TMPRSS13: variants seen among roughly 807,000 people sequenced by gnomAD.
The protein encoded by TMPRSS13 is transmembrane serine protease 13.
Under a neutral mutation model 68.4 loss-of-function variants are expected in TMPRSS13, and 50 were observed. That is an observed-to-expected ratio of 0.73 (90% CI 0.58 to 0.93). The LOEUF is 0.93. Ranked by LOEUF, TMPRSS13 falls within the 40% of genes least tolerant of loss-of-function variation. TMPRSS13 has a pLI of 0.00. For missense variants in TMPRSS13, 615 were observed against 729.2 expected (o/e 0.84, Z 1.80); for synonymous variants, 267 against 285.8 (o/e 0.93, Z 0.66).
chr11:117,909,247 T>C (rs566937133), intron 8 of TMPRSS13, among the ~76,000 whole-genome samples: 6 of 152,300 alleles, frequency 3.9e-5, no homozygotes, highest in Admixed American at 3.3e-4. Flanking sequence ...CTCAGTATTA[T>C]TACCCTCAGC....
At chr11:117,925,109 G>T (rs2057692156) in intron 1 of TMPRSS13, among the ~76,000 whole-genome samples, 1 of 152,374 alleles carries the variant, frequency 6.6e-6, no homozygotes, top group South Asian at 2.1e-4. Flanking sequence ...GTTCCACAGA[G>T]CATTTCAGTT....
intron 10 of TMPRSS13, among the ~76,000 whole-genome samples, chr11:117,904,340 C>T (rs768932855): frequency 7.9e-5 from 12 of 152,036 alleles, no homozygotes; most frequent in African/African-American, 2.9e-4. Context: ...CAGAGACATC[C>T]ATGCACACAG....
At chr11:117,919,243 C>T (rs1376983659) in intron 1 of TMPRSS13, among the ~76,000 whole-genome samples, 1 of 152,220 alleles carries the variant, frequency 6.6e-6, no homozygotes, top group Non-Finnish European at 1.5e-5. Context: ...CCCTTCTGCC[C>T]TCTTCCCTTC....
In TMPRSS13 at chr11:117,901,390, C is replaced by T. The variant is rs1450450590; in HGVS notation, c.*849G>A. On this transcript the variant is annotated 3_prime_UTR_variant, in exon 13 of 13. Transcript: ENST00000524993. ...GATGCTGTAGTGACTTGGGGGATGC[C>T]CATCCTGGGGACTTTGTCCAGTCTC... 1 of 152,518 alleles carries T rather than the reference C, an allele frequency of 6.6e-6. No individual in the cohort carries two copies. The highest frequency in any genetic ancestry group is 1.5e-5 in the Non-Finnish European group (1 of 68,050). 9.4% of individuals were successfully genotyped at this position (152,518 alleles called of 1,614,324 possible).
chr11:117,902,391 G>A (rs2057416711), intron 12 of TMPRSS13, 126 bp from the exon 13 acceptor site: 1 of 1,018,248 alleles, frequency 9.8e-7, no homozygotes, highest in African/African-American at 1.6e-5. Flanking sequence ...TCTCCAAGGA[G>A]GGAGAGCAAA....
rs775542256 is a variant in TMPRSS13 at position 117,908,727 on chromosome 11, G to C, written c.1167C>G (p.His389Gln). ...WKVYAGTSNL[H>Q]QLPEAASIAE... The stretch of plus-strand genomic sequence containing the variant: ...CAATGGAGGCTGCCTCAGGCAACTG[G>C]TGCAGGTTGCTGGTGCCCGCGTACA... The change falls in exon 9 of 13, where the codon CAC (histidine) becomes CAG (glutamine). Residue 389 changes from histidine to glutamine, a missense_variant. By Grantham distance (24) the His-to-Gln change is conservative. Transcript: ENST00000524993. The C allele has an allele frequency of 6.8e-6, 11 of 1,608,824 alleles. No homozygotes were observed. Among genetic ancestry groups the C allele is most frequent in the Non-Finnish European group, 9.3e-6 (11 of 1,178,470 alleles).
Position 117,911,812 on chromosome 11 carries a change from G to A in TMPRSS13, c.858C>T (p.Phe286=). The change falls in exon 6 of 13, where the codon TTC becomes TTT. Residue 286 remains phenylalanine, a synonymous_variant. Transcript: ENST00000524993. ...EVAHRDFANS[F]SILRYNSTIQ... Reference sequence around the variant, plus strand: ...TGGTGGAGTTGTATCTCAAGATTGAGAAGCTGTTGGCAAAATCCCTGTGGG... The same window carrying A: ...TGGTGGAGTTGTATCTCAAGATTGAAAAGCTGTTGGCAAAATCCCTGTGGG... The A allele has an allele frequency of 6.2e-7, 1 of 1,614,104 alleles. No homozygotes were observed. Among genetic ancestry groups the A allele is most frequent in the Non-Finnish European group, 8.5e-7 (1 of 1,180,012 alleles).
In TMPRSS13 at chr11:117,908,597, T is replaced by C; in HGVS notation, c.1282+15A>G. ...GGCTGGGGGGCAGGAGAGCGGGGAG[T>C]GCAGATTCCCTCACCGGACAGGGTC... is the stretch of plus-strand genomic sequence containing the variant. On this transcript the variant is annotated intron_variant, in intron 9 of 12. Transcript: ENST00000524993. 1 of 1,551,726 alleles carries C rather than the reference T, an allele frequency of 6.4e-7. No individual in the cohort carries two copies. The highest frequency in any genetic ancestry group is 8.7e-7 in the Non-Finnish European group (1 of 1,148,872).
intron 7 of TMPRSS13, 28 bp downstream of exon 7, chr11:117,910,679 C>T: frequency 6.2e-7 from 1 of 1,601,164 alleles, no homozygotes; most frequent in Non-Finnish European, 8.5e-7. Flanking sequence ...ACGACACTGG[C>T]CACAATCCAA....
At position 117,901,912 on chromosome 11, in the gene TMPRSS13, C is replaced by A; in HGVS notation, c.*327G>T. 1 of 389,096 alleles carries A rather than the reference C, an allele frequency of 2.6e-6. No individual in the cohort carries two copies. Among genetic ancestry groups the A allele is most frequent in the Non-Finnish European group, 4.8e-6 (1 of 208,976 alleles). The allele number at this position is 389,096 out of a possible 1,614,324, so 24.1% of individuals were successfully genotyped here. ...CAAGAATTCCCAGCTCTTCCTTGGG[C>A]TCTGGGCTCCACCTCCTCCATCCAT... On this transcript the variant is annotated 3_prime_UTR_variant, in exon 13 of 13. Transcript: ENST00000524993.
At chr11:117,918,209 C>T (rs1235202748) in intron 2 of TMPRSS13, among the ~76,000 whole-genome samples, 200 bp downstream of exon 2, 2 of 152,132 alleles carry the variant, frequency 1.3e-5, no homozygotes, top group South Asian at 2.1e-4. Flanking sequence ...CCCCTTTGCC[C>T]CTCATTTTCC....
At position 117,905,691 on chromosome 11, in the gene TMPRSS13, C is replaced by G. The variant is rs555536008; in HGVS notation, c.1328G>C (p.Ser443Thr). The change falls in exon 10 of 13, where the codon AGC becomes ACC. Residue 443 changes from serine (S) to threonine (T), a missense_variant. Physicochemically the swap from Ser to Thr is moderately conservative, Grantham distance 58. Coordinates refer to ENST00000524993, the MANE Select transcript of TMPRSS13 (RefSeq NM_001077263.3). Reference protein sequence around the residue: ...ACLPMHGQTFSLNETCWITGF... With the variant: ...ACLPMHGQTFTLNETCWITGF... ...TGTGATCCAGCAGGTCTCATTGAGG[C>G]TAAAGGTCTGTCCATGCATGGGGAG... 3 of 1,606,518 alleles carry G rather than the reference C, an allele frequency of 1.9e-6. No individual in the cohort carries two copies. Among genetic ancestry groups the G allele is most frequent in the Admixed American group, 3.4e-5 (2 of 59,394 alleles).
intron 1 of TMPRSS13, among the ~76,000 whole-genome samples, chr11:117,928,511 T>C (rs539647814): frequency 7.2e-5 from 11 of 152,216 alleles, no homozygotes; most frequent in African/African-American, 2.6e-4. Context: ...ACAGAGAATT[T>C]GGAGGGGGCA....
At chr11:117,927,093 A>T (rs1485392201) in intron 1 of TMPRSS13, among the ~76,000 whole-genome samples, 1 of 152,246 alleles carries the variant, frequency 6.6e-6, no homozygotes, top group Non-Finnish European at 1.5e-5. Flanking sequence ...TCTTGTTAAC[A>T]ATCACCAATT....
intron 10 of TMPRSS13, among the ~76,000 whole-genome samples, chr11:117,904,774 G>A (rs759644498): frequency 3.3e-5 from 5 of 149,818 alleles, no homozygotes; most frequent in Non-Finnish European, 5.9e-5. Flanking sequence ...AGGTCACTGT[G>A]CAAACCACAA....
chr11:117,910,049 G>A (rs1031183698), intron 7 of TMPRSS13, 81 bp from the exon 8 acceptor site: 1 of 1,542,654 alleles, frequency 6.5e-7, no homozygotes, highest in Non-Finnish European at 8.8e-7. Flanking sequence ...TGCCTCTGCT[G>A]TGCTCCCAGG....
chr11:117,929,352 A>G lies in TMPRSS13; in HGVS notation c.-45T>C. 1 of 1,594,598 alleles carries G rather than the reference A, an allele frequency of 6.3e-7. No individual in the cohort carries two copies. Among genetic ancestry groups the G allele is most frequent in the Non-Finnish European group, 8.6e-7 (1 of 1,168,256 alleles). On this transcript the variant is annotated 5_prime_UTR_variant, in exon 1 of 13. Coordinates refer to ENST00000524993, the MANE Select transcript of TMPRSS13 (RefSeq NM_001077263.3). Reference sequence around the variant, plus strand: ...CCTCCAGGCTTAGCTGATGTCGAGGAGAAGATCCATCTTGGTCCCTGGCTT... The same window carrying G: ...CCTCCAGGCTTAGCTGATGTCGAGGGGAAGATCCATCTTGGTCCCTGGCTT...
intron 1 of TMPRSS13, among the ~76,000 whole-genome samples, chr11:117,921,901 G>A (rs545620687): frequency 1.5e-3 from 229 of 152,254 alleles, no homozygotes; most frequent in Middle Eastern, 0.01. Flanking sequence ...CAGACCAGAG[G>A]AGAGCAGCAT....
intron 2 of TMPRSS13, 73 bp from the exon 3 acceptor site, chr11:117,917,347 C>G: frequency 8.0e-7 from 1 of 1,251,336 alleles, no homozygotes; most frequent in Non-Finnish European, 1.1e-6. Flanking sequence ...GTGGGGGAAA[C>G]AAGACTGTGG....
Sources: gnomAD v4.1 joint callset for allele counts (sites outside exome capture counted in the v4.1 genomes callset) on GRCh38, gnomAD v4.1.1 for gene constraint, MANE v1.5 for transcripts, NCBI Gene and HGNC (gene_info 2026-07-23, HGNC 2026-07-21) for gene names.